Variants in THSD4 observed in about 807,000 individuals in gnomAD.
The protein encoded by THSD4 is thrombospondin type 1 domain containing 4.
In THSD4, 69 loss-of-function variants were observed where a neutral mutation model predicts 119.0. The ratio of observed to expected loss-of-function variants is 0.58; its 90% confidence interval spans 0.48 to 0.71. The LOEUF (loss-of-function observed/expected upper bound fraction) is 0.71. THSD4 is among the 30% of genes least tolerant of loss of function. The pLI is 0.00. For missense variants in THSD4, 1,393 were observed against 1,391.1 expected (o/e 1.00, Z -0.02); for synonymous variants, 524 against 540.4 (o/e 0.97, Z 0.42).
At chr15:71,238,803 T>G (rs986612786) in intron 4 of THSD4, among the ~76,000 whole-genome samples, 12 of 152,262 alleles carry the variant, frequency 7.9e-5, no homozygotes, top group Non-Finnish European at 1.6e-4. Flanking sequence ...CTCTTGGGCA[T>G]ATACCTAGGA....
At chr15:71,364,607 G>T (rs180676872) in intron 6 of THSD4, among the ~76,000 whole-genome samples, 1 of 152,322 alleles carries the variant, frequency 6.6e-6, no homozygotes, top group East Asian at 1.9e-4. Flanking sequence ...CATAGACGAG[G>T]TGACCTGTGT....
chr15:71,349,438 T>C (rs1046760496), intron 6 of THSD4, among the ~76,000 whole-genome samples: 5 of 152,160 alleles, frequency 3.3e-5, no homozygotes, highest in African/African-American at 1.2e-4. Flanking sequence ...CACATGCCTG[T>C]CCATCTCCCC....
At chr15:71,265,647 A>C (rs1464018380) in intron 6 of THSD4, among the ~76,000 whole-genome samples, 5 of 152,100 alleles carry the variant, frequency 3.3e-5, no homozygotes, top group African/African-American at 1.2e-4. Flanking sequence ...CCAGGGAGCC[A>C]AGTGGTCTAG....
intron 7 of THSD4, among the ~76,000 whole-genome samples, chr15:71,638,941 A>G (rs1168267244): frequency 2.0e-5 from 3 of 152,158 alleles, no homozygotes; most frequent in South Asian, 4.1e-4. Flanking sequence ...AAGCTCCACC[A>G]TTTTAGATAG....
chr15:71,678,205 A>G (rs964367705), intron 8 of THSD4, among the ~76,000 whole-genome samples: 2 of 152,228 alleles, frequency 1.3e-5, no homozygotes, highest in Admixed American at 1.3e-4. Flanking sequence ...GATATGTTAG[A>G]TCACTGAGCT....
chr15:71,773,206 AAAAAAAAAAG>A (rs1163539106), intron 17 of THSD4, among the ~76,000 whole-genome samples: 3 of 137,132 alleles, frequency 2.2e-5, no homozygotes, highest in Admixed American at 7.5e-5. Context: ...GTCTCAAAAA[AAAAAAAAAAG>A]AAAAAGAAAA....
At chr15:71,384,085 G>A (rs8031880) in intron 6 of THSD4, among the ~76,000 whole-genome samples, 2 of 152,122 alleles carry the variant, frequency 1.3e-5, no homozygotes, top group Non-Finnish European at 2.9e-5. Context: ...ATAGGGCAAA[G>A]AAACTATTTT....
At chr15:71,294,504 GTTCACAT>G (rs970700670) in intron 6 of THSD4, among the ~76,000 whole-genome samples, 1 of 152,100 alleles carries the variant, frequency 6.6e-6, no homozygotes, top group East Asian at 1.9e-4. Context: ...GGATACCAGC[GTTCACAT>G]TTTTCCTTTT....
intron 7 of THSD4, among the ~76,000 whole-genome samples, chr15:71,613,573 C>T (rs957659772): frequency 6.6e-6 from 1 of 151,910 alleles, no homozygotes; most frequent in Non-Finnish European, 1.5e-5. Context: ...TTATCTAGAC[C>T]CTCTCATTTT....
chr15:71,434,334 C>T (rs538746397), intron 7 of THSD4, among the ~76,000 whole-genome samples: 3 of 149,886 alleles, frequency 2.0e-5, no homozygotes, highest in South Asian at 2.1e-4. Context: ...CAGATCAGTG[C>T]AAAAGAGCAG....
At chr15:71,111,155 C>A, upstream of THSD4, 1 of 1,608,458 alleles carries the variant, frequency 6.2e-7, no homozygotes, top group Non-Finnish European at 8.5e-7. Flanking sequence ...ACCTTCCTAT[C>A]TCCTCTGACC....
intron 7 of THSD4, among the ~76,000 whole-genome samples, chr15:71,641,778 A>G (rs2050862627): frequency 6.6e-6 from 1 of 152,200 alleles, no homozygotes; most frequent in Admixed American, 6.5e-5. Flanking sequence ...CACTGTTTTC[A>G]CAAGAAAACC....
intron 7 of THSD4, among the ~76,000 whole-genome samples, chr15:71,618,146 C>A (rs1259188281): frequency 6.6e-6 from 1 of 152,150 alleles, no homozygotes; most frequent in Non-Finnish European, 1.5e-5. Flanking sequence ...CTCTTTGAAC[C>A]CTGGTTAAGT....
intron 1 of THSD4, among the ~76,000 whole-genome samples, chr15:71,098,184 T>A (rs890429202): frequency 1.4e-5 from 2 of 148,102 alleles, no homozygotes; most frequent in African/African-American, 4.9e-5. Context: ...ATAAAAATTC[T>A]TTCACTTTTT....
intron 1 of THSD4, among the ~76,000 whole-genome samples, chr15:71,130,509 C>A (rs571958429): frequency 3.3e-5 from 5 of 151,768 alleles, no homozygotes; most frequent in African/African-American, 1.2e-4. Context: ...TAATTTAGTG[C>A]TAAGACAAGC....
At chr15:71,245,375 C>G (rs1197870048) in intron 5 of THSD4, among the ~76,000 whole-genome samples, 1 of 152,124 alleles carries the variant, frequency 6.6e-6, no homozygotes, top group Admixed American at 6.6e-5. Context: ...TTGGGCCACA[C>G]CCCCATGATC....
At chr15:71,347,480 A>G (rs550307548) in intron 6 of THSD4, among the ~76,000 whole-genome samples, 12 of 152,292 alleles carry the variant, frequency 7.9e-5, no homozygotes, top group Admixed American at 1.3e-4. Flanking sequence ...GACTTTATCA[A>G]GGTCTCTACT....
At chr15:71,477,582 C>G (rs2047671882) in intron 7 of THSD4, among the ~76,000 whole-genome samples, 1 of 152,218 alleles carries the variant, frequency 6.6e-6, no homozygotes, top group Non-Finnish European at 1.5e-5. Flanking sequence ...CTGCTGCTTC[C>G]TTTTCTTCTT....
At chr15:71,685,202 TA>T (rs56108084) in intron 8 of THSD4, among the ~76,000 whole-genome samples, 20 of 149,216 alleles carry the variant, frequency 1.3e-4, no homozygotes, top group East Asian at 1.9e-4. Context: ...TTCCTCTTTT[TA>T]AAAAAAAAAG....
Sources: allele counts gnomAD v4.1 joint callset (sites outside exome capture counted in the v4.1 genomes callset), GRCh38; gene constraint gnomAD v4.1.1; transcripts MANE v1.5; gene names NCBI Gene and HGNC (gene_info 2026-07-23, HGNC 2026-07-21).